ATXN1: variants seen among roughly 807,000 people sequenced by gnomAD.
ATXN1 encodes the protein ataxin 1.
A neutral mutation model predicts 56.4 loss-of-function variants in ATXN1; 8 were observed. The ratio of observed to expected loss-of-function variants is 0.14; its 90% CI spans 0.08 to 0.26. The LOEUF (loss-of-function observed/expected upper bound fraction) is 0.26, where lower values mean the gene tolerates loss of function less well. ATXN1 is among the 10% of genes least tolerant of loss of function. ATXN1 has a pLI of 1.00. For synonymous variants in ATXN1, 514 were observed against 494.6 expected, an observed-to-expected ratio of 1.04 and a Z score of -0.52; for missense variants, 987 against 1,106.5, an observed-to-expected ratio of 0.89 and a Z score of 1.53.
At chr6:16,713,862 C>T (rs1419083395) in intron 2 of ATXN1, among the ~76,000 whole-genome samples, 1 of 152,180 alleles carries the variant, frequency 6.6e-6, no homozygotes, top group Non-Finnish European at 1.5e-5. Context: ...ATCGTCAAAT[C>T]TTAACTGGTC....
At chr6:16,553,009 A>G (rs1000642368) in intron 4 of ATXN1, among the ~76,000 whole-genome samples, 2 of 152,374 alleles carry the variant, frequency 1.3e-5, no homozygotes, top group African/African-American at 4.8e-5. Flanking sequence ...AATCGCACAG[A>G]TACCATGACT....
intron 6 of ATXN1, among the ~76,000 whole-genome samples, chr6:16,412,146 G>A (rs1296856139): frequency 1.3e-5 from 2 of 152,162 alleles, no homozygotes; most frequent in Non-Finnish European, 2.9e-5. Context: ...ACTGAATTGT[G>A]AACTATAGAA....
chr6:16,339,191 C>T (rs906705284), intron 6 of ATXN1, among the ~76,000 whole-genome samples: 6 of 152,318 alleles, frequency 3.9e-5, no homozygotes, highest in Non-Finnish European at 8.8e-5. Flanking sequence ...CCAGCAACTG[C>T]TCCAGGAGGC....
At chr6:16,675,568 G>T (rs1758643957) in intron 2 of ATXN1, among the ~76,000 whole-genome samples, 1 of 152,058 alleles carries the variant, frequency 6.6e-6, no homozygotes, top group Non-Finnish European at 1.5e-5. Context: ...GGGAGAGGTG[G>T]AGATGGAGCC....
chr6:16,326,351 A>T lies in ATXN1; in HGVS notation c.1917+43T>A. ...CTTGCCAGGAGATGATGATGGCATC[A>T]CGGTGTGGTGTCCCATCCCTGTGCC... On this transcript the variant is annotated intron_variant, in intron 7 of 7. Transcript: ENST00000436367. This position sits in a 1 kb window ranked among gnomAD's most constrained non-coding sequence, Gnocchi z 6.6. 1 of 1,602,238 alleles carries T rather than the reference A, an allele frequency of 6.2e-7. No individual in the cohort carries two copies. The highest frequency in any genetic ancestry group is 8.5e-7 in the Non-Finnish European group (1 of 1,174,072).
At chr6:16,400,055 T>G (rs573354996) in intron 6 of ATXN1, among the ~76,000 whole-genome samples, 4 of 152,140 alleles carry the variant, frequency 2.6e-5, no homozygotes, top group Non-Finnish European at 5.9e-5. Flanking sequence ...CCACCCAGAC[T>G]GACAGAACCA....
chr6:16,612,021 G>A (rs189283434), intron 3 of ATXN1, among the ~76,000 whole-genome samples: 265 of 151,528 alleles, frequency 1.7e-3, no homozygotes, highest in African/African-American at 5.7e-3. Flanking sequence ...CACCACACCC[G>A]GCTAATTTTT....
intron 6 of ATXN1, among the ~76,000 whole-genome samples, chr6:16,347,899 A>G (rs554412253): frequency 6.6e-6 from 1 of 152,330 alleles, no homozygotes; most frequent in East Asian, 1.9e-4. Context: ...TTTGCAATAA[A>G]TCTTGCTGCT....
At chr6:16,613,859 C>T (rs1468068106) in intron 3 of ATXN1, among the ~76,000 whole-genome samples, 1 of 151,730 alleles carries the variant, frequency 6.6e-6, no homozygotes, top group Non-Finnish European at 1.5e-5. Flanking sequence ...ATAGAAATGA[C>T]AAATTTTCTA....
intron 6 of ATXN1, among the ~76,000 whole-genome samples, chr6:16,430,893 T>C (rs760121821): frequency 6.6e-6 from 1 of 152,132 alleles, no homozygotes; most frequent in Admixed American, 6.6e-5. Flanking sequence ...CAAAAGCCTC[T>C]CTAAAAAGGG....
At chr6:16,389,132 C>A (rs761777559) in intron 6 of ATXN1, among the ~76,000 whole-genome samples, 5 of 151,910 alleles carry the variant, frequency 3.3e-5, no homozygotes, top group Admixed American at 6.6e-5. Context: ...GTGAGGAGTT[C>A]GAGAGACCAG....
intron 6 of ATXN1, among the ~76,000 whole-genome samples, chr6:16,460,500 G>A (rs889000334): frequency 2.6e-5 from 4 of 152,178 alleles, no homozygotes; most frequent in African/African-American, 7.2e-5. Context: ...GGCATACCAG[G>A]TGCCAAAGGA....
intron 4 of ATXN1, among the ~76,000 whole-genome samples, chr6:16,570,244 T>G (rs1366751808): frequency 1.3e-5 from 2 of 152,200 alleles, no homozygotes; most frequent in Non-Finnish European, 2.9e-5. Context: ...TTTTATAGGT[T>G]TTCTCCTTCC....
intron 4 of ATXN1, among the ~76,000 whole-genome samples, chr6:16,540,018 C>T (rs1344717374): frequency 6.6e-6 from 1 of 152,186 alleles, no homozygotes; most frequent in Non-Finnish European, 1.5e-5. Context: ...CTGTTCGGAA[C>T]TCTTTTCTTG....
At chr6:16,618,926 T>C (rs1437394020) in intron 3 of ATXN1, among the ~76,000 whole-genome samples, 2 of 151,940 alleles carry the variant, frequency 1.3e-5, no homozygotes, top group Admixed American at 6.6e-5. Flanking sequence ...ACAAAATAAA[T>C]ACATGTAATT....
At position 16,302,662 on chromosome 6, in the gene ATXN1, TTAATAG is replaced by T. The variant is rs1760138698; in HGVS notation, c.*3661_*3666del. ...GAGGTTCTTGTTTGTTGGTTTCTTA[TTAATAG>T]TATTATTTTTTTCTTTTCGCCCTGA... On this transcript the variant is annotated 3_prime_UTR_variant, in exon 8 of 8. Coordinates refer to ENST00000436367, the MANE Select transcript of ATXN1 (RefSeq NM_001128164.2). 6.6e-6 allele frequency: 1 copy of T among 152,654 alleles called. No individual in the cohort carries two copies. Among genetic ancestry groups the T allele is most frequent in the Non-Finnish European group, 1.5e-5 (1 of 68,040 alleles). The allele number at this position is 152,654 out of a possible 1,614,324, so 9.5% of individuals were successfully genotyped here.
chr6:16,639,690 T>G (rs1335316292), intron 3 of ATXN1, among the ~76,000 whole-genome samples: 1 of 152,220 alleles, frequency 6.6e-6, no homozygotes, highest in African/African-American at 2.4e-5. Context: ...CAGCCATTGT[T>G]CTAACAGAAA....
intron 4 of ATXN1, among the ~76,000 whole-genome samples, chr6:16,551,987 T>G (rs898948329): frequency 3.6e-4 from 55 of 152,362 alleles, no homozygotes; most frequent in African/African-American, 1.1e-3. Context: ...GTGCTCGGGC[T>G]GTGAAACTGC....
chr6:16,717,117 A>G (rs1185931362), intron 2 of ATXN1, among the ~76,000 whole-genome samples: 1 of 152,272 alleles, frequency 6.6e-6, no homozygotes, highest in Non-Finnish European at 1.5e-5. Flanking sequence ...CCCCTGCCCC[A>G]GCCAGCACCT....
Sources: allele counts gnomAD v4.1 joint callset (sites outside exome capture counted in the v4.1 genomes callset), GRCh38; gene constraint gnomAD v4.1.1; non-coding constraint Gnocchi (gnomAD v3.1); transcripts MANE v1.5; gene names NCBI Gene and HGNC (gene_info 2026-07-23, HGNC 2026-07-21).